The following CFAP54 variants were observed in gnomAD, a reference collection of about 807,000 sequenced individuals.
CFAP54 encodes the protein cilia and flagella associated protein 54.
In CFAP54, 290 loss-of-function variants were observed where a neutral mutation model predicts 370.4. The observed-to-expected ratio is 0.78, with a 90% confidence interval of 0.71 to 0.86. CFAP54 has a LOEUF of 0.86. CFAP54 is among the 40% of genes least tolerant of loss of function. The probability of loss-of-function intolerance (pLI) is 0.00; values close to 1 mark genes in which losing one functional copy is unlikely to be tolerated. For synonymous variants in CFAP54, 1,206 were observed against 1,236.5 expected, an observed-to-expected ratio of 0.98 and a Z score of 0.52; for missense variants, 3,399 against 3,528.7, an observed-to-expected ratio of 0.96 and a Z score of 0.93.
chr12:96,592,194 A>G (rs1956132302), intron 23 of CFAP54, among the ~76,000 whole-genome samples: 1 of 152,194 alleles, frequency 6.6e-6, no homozygotes, highest in African/African-American at 2.4e-5. Context: ...GAAAAATTGG[A>G]CAGTGACATC....
At chr12:96,766,054 G>C (rs537580734) in intron 60 of CFAP54, among the ~76,000 whole-genome samples, 47 of 152,120 alleles carry the variant, frequency 3.1e-4, no homozygotes, top group African/African-American at 1.1e-3. Flanking sequence ...GGCCAGCATT[G>C]AGCCAAAGGA....
intron 14 of CFAP54, among the ~76,000 whole-genome samples, chr12:96,544,158 A>T (rs1007134438): frequency 2.0e-5 from 3 of 149,356 alleles, no homozygotes; most frequent in African/African-American, 7.5e-5. Flanking sequence ...ATCAATGAAC[A>T]CATATATTTT....
intron 26 of CFAP54, among the ~76,000 whole-genome samples, chr12:96,618,194 ACT>A (rs1956443867): frequency 6.6e-6 from 1 of 152,024 alleles, no homozygotes; most frequent in Non-Finnish European, 1.5e-5. Flanking sequence ...AAAGAAAGAA[ACT>A]CTATTTCAAG....
In CFAP54 at chr12:96,666,062, T is replaced by C. The variant is rs73377662; in HGVS notation, c.5563+2130T>C. ...TATTTAGCTGTATTCCTAAATATTT[T>C]ATTCTTTTTGTAAAATGCATTTTTA... On this transcript the variant is annotated intron_variant, in intron 39 of 67. Coordinates refer to ENST00000524981, the MANE Select transcript of CFAP54 (RefSeq NM_001306084.2). Among the ~76,000 whole-genome samples, 1,509 of 152,340 alleles carry C rather than the reference T, an allele frequency of 9.9e-3. 23 individuals carry two copies. The highest frequency in any genetic ancestry group is 0.033 in the African/African-American group (1,389 of 41,572).
intron 39 of CFAP54, among the ~76,000 whole-genome samples, chr12:96,677,519 G>A (rs1384716411): frequency 3.3e-5 from 5 of 152,108 alleles, no homozygotes; most frequent in Middle Eastern, 3.2e-3. Context: ...GATGAGGGTG[G>A]GGGCATGAGG....
At chr12:96,519,307 C>T (rs1955277213) in intron 6 of CFAP54, among the ~76,000 whole-genome samples, 2 of 152,106 alleles carry the variant, frequency 1.3e-5, no homozygotes, top group Non-Finnish European at 2.9e-5. Flanking sequence ...CCATGTTGAT[C>T]AGGCTGATTT....
At chr12:96,575,986 A>T (rs1258024362) in intron 19 of CFAP54, among the ~76,000 whole-genome samples, 2 of 151,994 alleles carry the variant, frequency 1.3e-5, no homozygotes, top group African/African-American at 4.8e-5. Context: ...TACTTTTGAA[A>T]TGTTATTTAG....
chr12:96,743,908 C>A lies in CFAP54; in HGVS notation c.7555C>A (p.Gln2519Lys). Residue 2519 changes from glutamine (Q) to lysine (K), a missense_variant and splice_region_variant, in exon 54 of 68, where the codon CAG (glutamine) becomes AAG (lysine). Gln to Lys is a moderately conservative substitution (Grantham distance 53). This residue lies in a region of CFAP54 where 2,796 missense variants were observed against 2,869.7 expected (regional missense o/e 0.97). Coordinates refer to ENST00000524981, the MANE Select transcript of CFAP54 (RefSeq NM_001306084.2). ...LTRAHSILTE[Q>K]MLAFGETIEF... ...TCGGGCTCATAGCATTCTAACTGAACAGGTGAGAATGCTTTTGTGTCTGCG... is the reference window on the plus strand; with the variant it reads ...TCGGGCTCATAGCATTCTAACTGAAAAGGTGAGAATGCTTTTGTGTCTGCG... 1 of 1,611,096 alleles carries A rather than the reference C, an allele frequency of 6.2e-7. No individual in the cohort carries two copies. Among genetic ancestry groups the A allele is most frequent in the East Asian group, 2.2e-5 (1 of 44,828 alleles).
intron 32 of CFAP54, among the ~76,000 whole-genome samples, chr12:96,643,907 G>T (rs768886988): frequency 2.0e-5 from 3 of 152,096 alleles, no homozygotes; most frequent in African/African-American, 7.2e-5. Flanking sequence ...AAAAATAAAA[G>T]CTCTGGTTGG....
At chr12:96,709,139 A>G (rs988093210) in intron 48 of CFAP54, among the ~76,000 whole-genome samples, 20 of 152,204 alleles carry the variant, frequency 1.3e-4, no homozygotes, top group African/African-American at 4.8e-4. Flanking sequence ...AAATCACTCC[A>G]AGTCTACTGC....
intron 63 of CFAP54, among the ~76,000 whole-genome samples, chr12:96,801,539 A>G (rs1261584529): frequency 6.6e-6 from 1 of 152,216 alleles, no homozygotes; most frequent in East Asian, 1.9e-4. Context: ...CTACAGTTTA[A>G]CTGTAAGAAG....
intron 66 of CFAP54, among the ~76,000 whole-genome samples, chr12:96,837,896 A>G (rs1448629901): frequency 6.6e-6 from 1 of 152,220 alleles, no homozygotes; most frequent in Non-Finnish European, 1.5e-5. Flanking sequence ...CATGGTTGGG[A>G]AAAGAGGCCT....
chr12:96,763,168 T>C (rs1958357930), intron 58 of CFAP54, among the ~76,000 whole-genome samples: 1 of 152,140 alleles, frequency 6.6e-6, no homozygotes, highest in Non-Finnish European at 1.5e-5. Context: ...AGATACTAGC[T>C]ACTGGTGGAG....
chr12:96,530,372 C>T (rs959209843), intron 9 of CFAP54, among the ~76,000 whole-genome samples: 8 of 152,284 alleles, frequency 5.3e-5, no homozygotes, highest in Non-Finnish European at 7.3e-5. Flanking sequence ...TGCCTGTAGT[C>T]CCAGCTACTT....
Position 96,875,527 on chromosome 12 carries a change from A to G in CFAP54, c.*424A>G, listed in dbSNP as rs962577609. The G allele has an allele frequency of 1.3e-5, 2 of 152,194 alleles. No individual in the cohort carries two copies. The highest frequency in any genetic ancestry group is 2.9e-5 in the Non-Finnish European group (2 of 68,034). The allele number at this position is 152,194 out of a possible 1,614,324, so 9.4% of individuals were successfully genotyped here. A position where few individuals can be genotyped will look rare whatever the true frequency, so the allele number is the denominator to read the frequency against. Reference sequence around the variant, plus strand: ...TTTTGAAAAGAATTAATTCTCAAGTAGATTAAAACTACATTCTGGTAAAAA... The same window carrying G: ...TTTTGAAAAGAATTAATTCTCAAGTGGATTAAAACTACATTCTGGTAAAAA... On this transcript the variant is annotated 3_prime_UTR_variant, in exon 68 of 68. Coordinates refer to ENST00000524981, the MANE Select transcript of CFAP54 (RefSeq NM_001306084.2).
At chr12:96,608,361 A>C (rs891453239) in intron 26 of CFAP54, among the ~76,000 whole-genome samples, 1 of 150,498 alleles carries the variant, frequency 6.6e-6, no homozygotes, top group Non-Finnish European at 1.5e-5. Flanking sequence ...ATATAAAATT[A>C]TTTTTTGATA....
At chr12:96,718,000 G>C (rs996372614) in intron 48 of CFAP54, among the ~76,000 whole-genome samples, 4 of 151,974 alleles carry the variant, frequency 2.6e-5, no homozygotes, top group African/African-American at 7.3e-5. Flanking sequence ...TATTATCATT[G>C]TGTTTTTTAA....
chr12:96,809,703 A>G (rs1186670536), intron 63 of CFAP54, among the ~76,000 whole-genome samples: 1 of 152,200 alleles, frequency 6.6e-6, no homozygotes, highest in South Asian at 2.1e-4. Context: ...AACACTAAAA[A>G]GCATATTTAG....
At chr12:96,615,538 T>C (rs1410131178) in intron 26 of CFAP54, among the ~76,000 whole-genome samples, 2 of 152,160 alleles carry the variant, frequency 1.3e-5, no homozygotes, top group Admixed American at 6.5e-5. Flanking sequence ...AAAGAGCTTC[T>C]GCACAGCAAA....
Sources: allele counts gnomAD v4.1 joint callset (sites outside exome capture counted in the v4.1 genomes callset), GRCh38; gene constraint gnomAD v4.1.1; regional missense constraint gnomAD v4.1.1; transcripts MANE v1.5; gene names NCBI Gene and HGNC (gene_info 2026-07-23, HGNC 2026-07-21).